ELAC2: variants seen among roughly 807,000 people sequenced by gnomAD.
ELAC2 encodes zinc phosphodiesterase ELAC protein 2.
In ELAC2, 92 loss-of-function variants were observed where a neutral mutation model predicts 105.2. The observed-to-expected ratio is 0.87, with a 90% CI of 0.74 to 1.04. ELAC2 has a LOEUF of 1.04. Ranked by LOEUF, ELAC2 falls within the 50% of genes least tolerant of loss-of-function variation. The pLI, the probability that ELAC2 is intolerant of heterozygous loss-of-function variation, is 0.00. For missense variants in ELAC2, 1,099 were observed against 1,071.7 expected, an observed-to-expected ratio of 1.03 and a Z score of -0.36; for synonymous variants, 468 against 409.1, an observed-to-expected ratio of 1.14 and a Z score of -1.74.
At position 12,996,043 on chromosome 17, in the gene ELAC2, T is replaced by C. The variant is rs539975783; in HGVS notation, c.1660-65A>G. On this transcript the variant is annotated intron_variant, in intron 17 of 23. Coordinates refer to ENST00000338034, the MANE Select transcript of ELAC2 (RefSeq NM_018127.7). ...GGGCCATCCCCTCCGGGTTAGGGTC[T>C]GCAGCCCTCTCTCTTGCAGGAGTTG... 6 of 1,530,234 alleles carry C rather than the reference T, an allele frequency of 3.9e-6. No individual in the cohort carries two copies. The East Asian group carries it at 9.7e-5, about 25-fold the overall frequency. 94.8% of individuals were successfully genotyped at this position (1,530,234 alleles called of 1,614,324 possible).
At chr17:12,997,365 G>C (rs974913996) in intron 16 of ELAC2, among the ~76,000 whole-genome samples, 3 of 152,198 alleles carry the variant, frequency 2.0e-5, no homozygotes, top group African/African-American at 4.8e-5. Context: ...TTCATTCTCT[G>C]GGAGGAGCCA....
intron 22 of ELAC2, 79 bp downstream of exon 22, chr17:12,994,346 G>T: frequency 6.6e-7 from 1 of 1,523,180 alleles, no homozygotes; most frequent in Non-Finnish European, 9.1e-7. Flanking sequence ...CATCAGTGGA[G>T]ACAAACGACG....
rs776980036 is a variant in ELAC2, at chr17:13,017,717, G to A, written c.231C>T (p.Phe77=). 6.2e-7 allele frequency: 1 copy of A among 1,613,072 alleles called. No homozygotes were observed. Among genetic ancestry groups the A allele is most frequent in the Non-Finnish European group, 8.5e-7 (1 of 1,179,776 alleles). The change falls in exon 1 of 24, where the codon TTC becomes TTT. Residue 77 remains phenylalanine, a synonymous_variant. Transcript: ENST00000338034. ...CGTTGACTGACCGGTTGAACTCGGA[G>A]AAGACGTAGAGCGCGGCGCCCGAGT... ...SRDSGAALYV[F]SEFNRYLFNC...
At chr17:13,009,442 A>G (rs2041290080) in intron 8 of ELAC2, among the ~76,000 whole-genome samples, 1 of 152,246 alleles carries the variant, frequency 6.6e-6, no homozygotes, top group Non-Finnish European at 1.5e-5. Flanking sequence ...CACTAGTCAG[A>G]TCTTACAAAC....
At chr17:13,005,732 C>G (rs534623314) in intron 10 of ELAC2, 21 bp downstream of exon 10, 1 of 1,613,818 alleles carries the variant, frequency 6.2e-7, no homozygotes, top group Admixed American at 1.7e-5. Context: ...ACTGCTGAAT[C>G]AAGAAAACCA....
At position 13,015,753 on chromosome 17, in the gene ELAC2, T is replaced by G. The variant is rs754403836; in HGVS notation, c.432+15A>C. On this transcript the variant is annotated intron_variant, in intron 4 of 23. Coordinates refer to ENST00000338034, the MANE Select transcript of ELAC2 (RefSeq NM_018127.7). Reference sequence around the variant, plus strand: ...GGAAAGATTGCTTTTGAAAGATGTGTCAGGAAAGACTCACCAGTTGTGGAG... The same window carrying G: ...GGAAAGATTGCTTTTGAAAGATGTGGCAGGAAAGACTCACCAGTTGTGGAG... 6.2e-7 allele frequency: 1 copy of G among 1,609,460 alleles called. No individual in the cohort carries two copies. Among genetic ancestry groups the G allele is most frequent in the African/African-American group, 1.3e-5 (1 of 74,822 alleles).
intron 13 of ELAC2, 25 bp from the exon 14 acceptor site, chr17:13,002,384 G>T (rs773823531): frequency 6.2e-7 from 1 of 1,614,212 alleles, no homozygotes; most frequent in Non-Finnish European, 8.5e-7. Context: ...ACACATTCAT[G>T]GAGAGAAAGA....
chr17:13,016,661 T>A (rs2041741032), intron 3 of ELAC2, among the ~76,000 whole-genome samples: 1 of 146,424 alleles, frequency 6.8e-6, no homozygotes, highest in Admixed American at 7.1e-5. Context: ...ACACGTGTGG[T>A]CCCAGCTATT....
Position 12,994,811 on chromosome 17 carries a change from A to T in ELAC2, c.1982T>A (p.Val661Glu). The T allele has an allele frequency of 6.2e-7, 1 of 1,613,914 alleles. No individual in the cohort carries two copies. ...CALVHTSGWK[V>E]VYSGDTMPCE... ...GGGCATGGTGTCCCCGGAATAGACC[A>T]CTTTCCAGCCAGAGGTGTGCACCAG... is the stretch of plus-strand genomic sequence containing the variant. Residue 661 changes from valine (V) to glutamate (E), a missense_variant, in exon 21 of 24, where the codon GTG (valine) becomes GAG (glutamate). Coordinates refer to ENST00000338034, the MANE Select transcript of ELAC2 (RefSeq NM_018127.7).
In ELAC2 at chr17:13,000,211, G is replaced by A. The variant is rs2040709112; in HGVS notation, c.1368C>T (p.Phe456=). The A allele has an allele frequency of 3.1e-6, 5 of 1,614,004 alleles. No individual in the cohort carries two copies. The highest frequency in any genetic ancestry group is 1.7e-4 in the Middle Eastern group (1 of 6,028). Residue 456 remains phenylalanine (F), a synonymous_variant, in exon 15 of 24, where the codon TTC becomes TTT. Coordinates refer to ENST00000338034, the MANE Select transcript of ELAC2 (RefSeq NM_018127.7). The part of the protein sequence containing the change: ...FIVEALQLPN[F]QQSVQEYRRS... Reference sequence around the variant, plus strand: ...TCCTGTACTCCTGCACGCTCTGCTGGAAGTTGGGAAGCTGCAGCGCCTCAA... The same window carrying A: ...TCCTGTACTCCTGCACGCTCTGCTGAAAGTTGGGAAGCTGCAGCGCCTCAA...
rs1000962857 is a variant in ELAC2, at chr17:13,001,632, A to C, written c.1304+642T>G. On this transcript the variant is annotated intron_variant, in intron 14 of 23. Transcript: ENST00000338034. ...GCATCTTACATTTATCAAGTACCTT[A>C]ACAAGTCTCACACTCTGGGCCAGTA... Among the ~76,000 whole-genome samples the C allele has an allele frequency of 2.1e-4, 32 of 152,336 alleles. 1 individual carries two copies. Among genetic ancestry groups the C allele is most frequent in the African/African-American group, 7.7e-4 (32 of 41,576 alleles).
At position 13,010,601 on chromosome 17, in the gene ELAC2, A is replaced by C; in HGVS notation, c.738+12T>G. ...CCCAGTCATGTACAGCCCTCCGGAA[A>C]GTCTTCCTTACCTTACAGATGAAAG... is the stretch of plus-strand genomic sequence containing the variant. On this transcript the variant is annotated intron_variant, in intron 8 of 23. Transcript: ENST00000338034. 6.2e-7 allele frequency: 1 copy of C among 1,613,926 alleles called. No homozygotes were observed. The highest frequency in any genetic ancestry group is 8.5e-7 in the Non-Finnish European group (1 of 1,179,870).
rs139778647 is a variant in ELAC2, at chr17:13,015,836, A to T, written c.368-4T>A. 6.4e-3 allele frequency: 10,386 copies of T among 1,613,030 alleles called. 77 individuals are homozygous for T. The highest frequency in any genetic ancestry group is 6.5e-3 in the Non-Finnish European group (7,638 of 1,179,042). On this transcript the variant is annotated splice_polypyrimidine_tract_variant and splice_region_variant and intron_variant, in intron 3 of 23. Coordinates refer to ENST00000338034, the MANE Select transcript of ELAC2 (RefSeq NM_018127.7). ...TCCTTTAAAGTAAGAATCATTCCTA[A>T]AAAGGATGCATAAAATCAGATCTCT...
At chr17:12,993,908 G>A in intron 22 of ELAC2, 77 bp from the exon 23 acceptor site, 1 of 1,603,368 alleles carries the variant, frequency 6.2e-7, no homozygotes, top group African/African-American at 1.3e-5. Flanking sequence ...ACAGACCCTG[G>A]CCATCAACTG....
chr17:12,997,089 G>T (rs2040514029), intron 16 of ELAC2, among the ~76,000 whole-genome samples: 1 of 152,174 alleles, frequency 6.6e-6, no homozygotes, highest in Non-Finnish European at 1.5e-5. Flanking sequence ...AGGTCCAGCT[G>T]CCATCGGACT....
intron 15 of ELAC2, 60 bp downstream of exon 15, chr17:13,000,096 G>T: frequency 6.5e-7 from 1 of 1,529,934 alleles, no homozygotes. Context: ...TTAATGCTAG[G>T]AAAACAGCAG....
chr17:12,996,446 G>C (rs544266305), intron 17 of ELAC2, 101 bp downstream of exon 17: 1 of 1,572,780 alleles, frequency 6.4e-7, no homozygotes, highest in African/African-American at 1.3e-5. Context: ...CAAAAGCTCT[G>C]GGCAAGTTTG....
chr17:13,016,840 A>G (rs2041758516), intron 3 of ELAC2, 22 bp downstream of exon 3: 2 of 1,612,930 alleles, frequency 1.2e-6, no homozygotes, highest in Admixed American at 3.3e-5. Context: ...CCAGCCTCTG[A>G]CACTGCAAAG....
Position 12,993,580 on chromosome 17 carries a change from G to A in ELAC2, c.2253+107C>T, listed in dbSNP as rs2040313190. 3.2e-6 allele frequency: 5 copies of A among 1,542,504 alleles called. No homozygotes were observed. In the Admixed American group the frequency reaches 5.3e-5, roughly 16 times the overall value. On this transcript the variant is annotated intron_variant, in intron 23 of 23. Coordinates refer to ENST00000338034, the MANE Select transcript of ELAC2 (RefSeq NM_018127.7). ...GATGGGTAGATAACCTTTTCCCACG[G>A]TGGCCCCAAATAAGAAAGCAAACTC...
Sources: allele counts gnomAD v4.1 joint callset (sites outside exome capture counted in the v4.1 genomes callset), GRCh38; gene constraint gnomAD v4.1.1; transcripts MANE v1.5; gene names NCBI Gene and HGNC (gene_info 2026-07-23, HGNC 2026-07-21).